The following NGB variants were observed in gnomAD, a reference collection of about 807,000 sequenced individuals.
The protein encoded by NGB is nitrite reductase.
Under a neutral mutation model 17.3 loss-of-function variants are expected in NGB, and 12 were observed. The observed-to-expected ratio is 0.69, with a 90% CI of 0.45 to 1.13. The LOEUF is 1.13. Ranked by LOEUF, NGB falls within the 50% of genes most tolerant of loss-of-function variation. The probability of loss-of-function intolerance (pLI) is 0.00; values close to 1 mark genes in which losing one functional copy is unlikely to be tolerated. For synonymous variants in NGB, 87 were observed against 81.0 expected, an observed-to-expected ratio of 1.07 and a Z score of -0.40; for missense variants, 195 against 191.7, an observed-to-expected ratio of 1.02 and a Z score of -0.10.
intron 2 of NGB, 70 bp downstream of exon 2, chr14:77,269,145 T>A: frequency 9.9e-7 from 1 of 1,007,906 alleles, no homozygotes; most frequent in African/African-American, 1.6e-5. Flanking sequence ...GAAAGTCATT[T>A]TCTCCATTCT....
Position 77,271,026 on chromosome 14 carries a change from G to A in NGB, c.-89C>T. The A allele has an allele frequency of 1.0e-6, 1 of 971,668 alleles. No homozygotes were observed. The highest frequency in any genetic ancestry group is 3.2e-5 in the East Asian group (1 of 31,522). The allele number at this position is 971,668 out of a possible 1,614,324, so 60.2% of individuals were successfully genotyped here. On this transcript the variant is annotated 5_prime_UTR_variant, in exon 1 of 4. Transcript: ENST00000298352. ...TGCCGCGCCATCTCCTCCGCGACGC[G>A]GTCCCCTCCGCCCCTCGTACGCCCC...
rs1380743865 is a variant in NGB, at chr14:77,271,023, C to A, written c.-86G>T. 3.0e-6 allele frequency: 3 copies of A among 1,008,496 alleles called. No homozygotes were observed. The highest frequency in any genetic ancestry group is 4.2e-6 in the Non-Finnish European group (3 of 720,722). 62.5% of individuals were successfully genotyped at this position (1,008,496 alleles called of 1,614,324 possible). ...ACGTGCCGCGCCATCTCCTCCGCGA[C>A]GCGGTCCCCTCCGCCCCTCGTACGC... On this transcript the variant is annotated 5_prime_UTR_variant, in exon 1 of 4. Coordinates refer to ENST00000298352, the MANE Select transcript of NGB (RefSeq NM_021257.4).
rs565097630 is a variant in NGB at position 77,271,083 on chromosome 14, C to T, written c.-146G>A. On this transcript the variant is annotated 5_prime_UTR_variant, in exon 1 of 4. Coordinates refer to ENST00000298352, the MANE Select transcript of NGB (RefSeq NM_021257.4). ...CTCCGCCCGGCGGGGGCCGCAGCCG[C>T]TCCTTCCCTGGCGCGGGAGAGAAAA... 246 of 561,712 alleles carry T rather than the reference C, an allele frequency of 4.4e-4. 2 individuals are homozygous for T. Among genetic ancestry groups the T allele is most frequent in the South Asian group, 2.7e-3 (104 of 38,686 alleles). 34.8% of individuals were successfully genotyped at this position (561,712 alleles called of 1,614,324 possible).
chr14:77,270,382 G>C (rs965011055), intron 1 of NGB, among the ~76,000 whole-genome samples: 1 of 152,182 alleles, frequency 6.6e-6, no homozygotes, highest in Non-Finnish European at 1.5e-5. Context: ...CACACACCTG[G>C]AGCCAGACCG....
At position 77,270,872 on chromosome 14, in the gene NGB, C is replaced by A; in HGVS notation, c.66G>T (p.Glu22Asp). 1.3e-6 allele frequency: 2 copies of A among 1,586,036 alleles called. No homozygotes were observed. Among genetic ancestry groups the A allele is most frequent in the Non-Finnish European group, 1.7e-6 (2 of 1,172,604 alleles). ...ACCTGGCAAACAGGACGGTGCCGTGCTCCAGCGGGCTGCGGCTCACTGCCC... is the reference window on the plus strand; with the variant it reads ...ACCTGGCAAACAGGACGGTGCCGTGATCCAGCGGGCTGCGGCTCACTGCCC... Reference protein sequence around the residue: ...SWRAVSRSPLEHGTVLFARLF... With the variant: ...SWRAVSRSPLDHGTVLFARLF... The change falls in exon 1 of 4, where the codon GAG becomes GAT. Residue 22 changes from glutamate to aspartate, a missense_variant. Transcript: ENST00000298352.
In NGB at chr14:77,269,262, G is replaced by T; in HGVS notation, c.154C>A (p.Pro52Thr). ...TCAGGCGAGGAGAGACAGTCCTCTG[G>T]GCTGGAGAACTGGCGGCAGTTGTAC... is the stretch of plus-strand genomic sequence containing the variant. Reference protein sequence around the residue: ...FQYNCRQFSSPEDCLSSPEFL... With the variant: ...FQYNCRQFSSTEDCLSSPEFL... Residue 52 changes from proline (P) to threonine (T), a missense_variant, in exon 2 of 4, where the codon CCA (proline) becomes ACA (threonine). Coordinates refer to ENST00000298352, the MANE Select transcript of NGB (RefSeq NM_021257.4). 1 of 1,551,922 alleles carries T rather than the reference G, an allele frequency of 6.4e-7. No homozygotes were observed. Among genetic ancestry groups the T allele is most frequent in the Non-Finnish European group, 8.7e-7 (1 of 1,147,024 alleles).
chr14:77,268,597 A>G lies in NGB; in HGVS notation c.202-12T>C. ...ATCACGAGCATCACCTGCCAAGGCC[A>G]AGGCAGCAGTGAAACAGAGAGGCCA... On this transcript the variant is annotated splice_polypyrimidine_tract_variant and intron_variant, in intron 2 of 3. Transcript: ENST00000298352. The G allele has an allele frequency of 6.2e-7, 1 of 1,613,940 alleles. No homozygotes were observed. The highest frequency in any genetic ancestry group is 8.5e-7 in the Non-Finnish European group (1 of 1,179,958).
chr14:77,270,623 G>A (rs1889760561), intron 1 of NGB, among the ~76,000 whole-genome samples: 1 of 152,236 alleles, frequency 6.6e-6, no homozygotes, highest in African/African-American at 2.4e-5. Flanking sequence ...CCCGCTGGGA[G>A]AGTGGTGTGC....
At chr14:77,270,227 T>A (rs920476696) in intron 1 of NGB, among the ~76,000 whole-genome samples, 1 of 151,878 alleles carries the variant, frequency 6.6e-6, no homozygotes, top group South Asian at 2.1e-4. Context: ...CGAGCTGAGG[T>A]TGGAGACTGG....
chr14:77,266,510 TG>T lies in NGB; in HGVS notation c.*25del, dbSNP rs746726662. ...AGGCCAACAGACAGACACAGATGGA[TG>T]GGGGCTGCCGGGCGGGGTCGCCTCT... On this transcript the variant is annotated 3_prime_UTR_variant, in exon 4 of 4. Transcript: ENST00000298352. The T allele has an allele frequency of 5.6e-6, 9 of 1,603,678 alleles. No individual in the cohort carries two copies. In the South Asian group the frequency reaches 9.0e-5, roughly 16 times the overall value.
chr14:77,266,509 A>G lies in NGB; in HGVS notation c.*27T>C. 2.5e-6 allele frequency: 4 copies of G among 1,603,338 alleles called. No homozygotes were observed. The highest frequency in any genetic ancestry group is 3.4e-6 in the Non-Finnish European group (4 of 1,174,234). ...CAGGCCAACAGACAGACACAGATGG[A>G]TGGGGGCTGCCGGGCGGGGTCGCCT... On this transcript the variant is annotated 3_prime_UTR_variant, in exon 4 of 4. Coordinates refer to ENST00000298352, the MANE Select transcript of NGB (RefSeq NM_021257.4).
intron 1 of NGB, among the ~76,000 whole-genome samples, chr14:77,270,052 G>C (rs1889748110): frequency 6.6e-6 from 1 of 151,898 alleles, no homozygotes; most frequent in Non-Finnish European, 1.5e-5. Context: ...CTCGGCATTT[G>C]GGAGGTCTCA....
chr14:77,269,972 G>A (rs1262035629), intron 1 of NGB, among the ~76,000 whole-genome samples: 1 of 151,940 alleles, frequency 6.6e-6, no homozygotes, highest in East Asian at 1.9e-4. Context: ...CTTGGATGTA[G>A]TGCAGCCACA....
intron 1 of NGB, among the ~76,000 whole-genome samples, chr14:77,269,792 TCTCCCCCCCCCCCCCC>T (rs1889739552): frequency 6.4e-5 from 2 of 31,192 alleles, no homozygotes; most frequent in East Asian, 7.5e-4. Context: ...TCCCTCTCCC[TCTCCCCCCCCCCCCCC>T]CCCCCCCCCC....
intron 3 of NGB, among the ~76,000 whole-genome samples, chr14:77,267,520 G>A (rs886641868): frequency 1.2e-4 from 18 of 152,262 alleles, no homozygotes; most frequent in African/African-American, 2.4e-4. Flanking sequence ...CAGCCTAGGC[G>A]ACAGAGCAAG....
chr14:77,270,745 G>A (rs4903565), intron 1 of NGB, 104 bp downstream of exon 1: 510,157 of 1,061,582 alleles, frequency 0.48, 127,841 homozygotes, highest in Non-Finnish European at 0.52. Context: ...CCAGCGCCCC[G>A]GCAGCGGCCA....
chr14:77,266,152 G>C lies in NGB; in HGVS notation c.*384C>G. ...CTGGAAGCTCAGCCATCTCACCCCCGCCTTGGCCTGCACTCACCTGAAGAA... is the reference window on the plus strand; with the variant it reads ...CTGGAAGCTCAGCCATCTCACCCCCCCCTTGGCCTGCACTCACCTGAAGAA... On this transcript the variant is annotated 3_prime_UTR_variant, in exon 4 of 4. Transcript: ENST00000298352. 1.9e-6 allele frequency: 1 copy of C among 523,062 alleles called. No individual in the cohort carries two copies. The highest frequency in any genetic ancestry group is 1.4e-5 in the South Asian group (1 of 70,772). The allele number at this position is 523,062 out of a possible 1,614,324, so 32.4% of individuals were successfully genotyped here.
Position 77,270,916 on chromosome 14 carries a change from G to C in NGB, c.22C>G (p.Leu8Val), listed in dbSNP as rs1889767696. ...ACTGCCCGCCAGCTCTGCCGGATCA[G>C]CTCGGGCTCCGGGCGCTCCATGCTG... MERPEPE[L>V]IRQSWRAVSR... The change falls in exon 1 of 4, where the codon CTG (leucine) becomes GTG (valine). Residue 8 changes from leucine to valine, a missense_variant. Transcript: ENST00000298352. 6.4e-6 allele frequency: 10 copies of C among 1,569,472 alleles called. No homozygotes were observed. The highest frequency in any genetic ancestry group is 8.6e-6 in the Non-Finnish European group (10 of 1,164,296).
rs1197568259 is a variant in NGB at position 77,268,449 on chromosome 14, A to G, written c.321+17T>C. ...CAGGCCAGGAGCTCTGGAGAGAGTCAGAGCTCCTTTACCCACCGAGAAGGA... is the reference window on the plus strand; with the variant it reads ...CAGGCCAGGAGCTCTGGAGAGAGTCGGAGCTCCTTTACCCACCGAGAAGGA... On this transcript the variant is annotated intron_variant, in intron 3 of 3. Coordinates refer to ENST00000298352, the MANE Select transcript of NGB (RefSeq NM_021257.4). The G allele has an allele frequency of 1.9e-6, 3 of 1,609,400 alleles. No homozygotes were observed. In the Admixed American group the frequency reaches 5.0e-5, roughly 27 times the overall value.
Sources: gnomAD v4.1 joint callset for allele counts (sites outside exome capture counted in the v4.1 genomes callset) on GRCh38, gnomAD v4.1.1 for gene constraint, MANE v1.5 for transcripts, NCBI Gene and HGNC (gene_info 2026-07-23, HGNC 2026-07-21) for gene names.